The following ZNF451 variants were observed in gnomAD, a reference collection of about 807,000 sequenced individuals.
ZNF451 encodes the protein zinc finger protein 451, also known as E3 SUMO-protein ligase ZNF451.
Under a neutral mutation model 107.1 loss-of-function variants are expected in ZNF451, and 80 were observed. The ratio of observed to expected loss-of-function variants is 0.75; its 90% CI spans 0.62 to 0.90. The LOEUF (loss-of-function observed/expected upper bound fraction) is 0.90, where lower values mean the gene tolerates loss of function less well. Among genes scored for constraint, ZNF451 ranks in the 40% least tolerant of loss-of-function variants. The pLI is 0.00. For missense variants in ZNF451, 1,107 were observed against 1,236.2 expected (o/e 0.90, Z 1.57); for synonymous variants, 362 against 406.5 (o/e 0.89, Z 1.32).
At chr6:57,109,408 A>G (rs746845418) in intron 3 of ZNF451, 288 of 985,330 alleles carry the variant, frequency 2.9e-4, no homozygotes, top group Middle Eastern at 5.2e-4. Context: ...GACCCTCAGC[A>G]TTAGCAAGTC....
At position 57,099,064 on chromosome 6, in the gene ZNF451, G is replaced by C. The variant is rs1829460531; in HGVS notation, c.109G>C (p.Gly37Arg). The C allele has an allele frequency of 6.2e-7, 1 of 1,612,864 alleles. No individual in the cohort carries two copies. Among genetic ancestry groups the C allele is most frequent in the Admixed American group, 1.7e-5 (1 of 59,966 alleles). The change falls in exon 3 of 15, where the codon GGA becomes CGA. Residue 37 changes from glycine (G) to arginine (R), a missense_variant. Around this residue, in one of 5 missense-constraint regions of ZNF451, gnomAD observed 339 missense variants for 372.8 expected, o/e 0.91. Transcript: ENST00000370706. Reference sequence around the variant, plus strand: ...AAATTTGCTTGATTGTTTATAGGAAGGACCATTACGACCTGTTCTTGAATA... The same window carrying C: ...AAATTTGCTTGATTGTTTATAGGAACGACCATTACGACCTGTTCTTGAATA... ...NEDDIQFVSE[G>R]PLRPVLEYID... is the part of the protein sequence containing the mutation.
intron 14 of ZNF451, among the ~76,000 whole-genome samples, chr6:57,167,202 CACAT>C: frequency 6.6e-6 from 1 of 152,038 alleles, no homozygotes; most frequent in African/African-American, 2.4e-5. Flanking sequence ...CACACACACA[CACAT>C]ATATACATAT....
At chr6:57,124,656 T>A (rs1345393896) in intron 3 of ZNF451, 78 bp from the exon 4 acceptor site, 1 of 1,025,712 alleles carries the variant, frequency 9.7e-7, no homozygotes, top group Non-Finnish European at 1.5e-6. Flanking sequence ...TTTAGTATAG[T>A]AGCTGTTTTA....
At chr6:57,099,350 A>T (rs1360249205) in intron 3 of ZNF451, 1 of 650,968 alleles carries the variant, frequency 1.5e-6, no homozygotes, top group Admixed American at 2.7e-5. Context: ...GAAAAAAATG[A>T]TAATATGACT....
At position 57,090,271 on chromosome 6, in the gene ZNF451, G is replaced by T; in HGVS notation, c.18G>T (p.Ser6=). 1.9e-6 allele frequency: 3 copies of T among 1,611,306 alleles called. No homozygotes were observed. The highest frequency in any genetic ancestry group is 1.3e-5 in the African/African-American group (1 of 74,988). MGDPG[S]EIIESVPPAG... ...TCGGAGACATGGGAGACCCGGGGTC[G>T]GAGGTGAGTAGTCGAGTGAGGGTCC... Residue 6 remains serine (S), a synonymous_variant, in exon 1 of 15, where the codon TCG becomes TCT. Transcript: ENST00000370706.
chr6:57,090,194 G>C lies in ZNF451; in HGVS notation c.-60G>C. 1 of 1,574,430 alleles carries C rather than the reference G, an allele frequency of 6.4e-7. No individual in the cohort carries two copies. The highest frequency in any genetic ancestry group is 8.6e-7 in the Non-Finnish European group (1 of 1,159,792). On this transcript the variant is annotated 5_prime_UTR_variant, in exon 1 of 15. Coordinates refer to ENST00000370706, the MANE Select transcript of ZNF451 (RefSeq NM_001031623.3). ...GGTGCAGGGCGGGAAGGGGATTCGTGGCGACGGCGGCGGCAGGGACAGCAG... is the reference window on the plus strand; with the variant it reads ...GGTGCAGGGCGGGAAGGGGATTCGTCGCGACGGCGGCGGCAGGGACAGCAG...
chr6:57,109,398 G>A, intron 3 of ZNF451: 1 of 985,308 alleles, frequency 1.0e-6, no homozygotes, highest in Non-Finnish European at 1.2e-6. Flanking sequence ...CAAAGACCTT[G>A]ACCCTCAGCA....
chr6:57,166,312 C>T (rs2127989829), intron 14 of ZNF451, among the ~76,000 whole-genome samples: 1 of 152,318 alleles, frequency 6.6e-6, no homozygotes, highest in Non-Finnish European at 1.5e-5. Flanking sequence ...AAGACATGAG[C>T]CACTGTGCCT....
intron 5 of ZNF451, among the ~76,000 whole-genome samples, chr6:57,130,584 C>T (rs956554186): frequency 6.6e-6 from 1 of 152,140 alleles, no homozygotes; most frequent in African/African-American, 2.4e-5. Context: ...AAAATTATCT[C>T]ATGAGTCTGA....
At chr6:57,096,756 C>A (rs996334035) in intron 2 of ZNF451, among the ~76,000 whole-genome samples, 20 of 135,336 alleles carry the variant, frequency 1.5e-4, no homozygotes, top group East Asian at 1.2e-3. Flanking sequence ...ATCGAACATA[C>A]AATTTTCAGT....
intron 3 of ZNF451, among the ~76,000 whole-genome samples, chr6:57,120,303 A>C (rs1390696003): frequency 6.6e-6 from 1 of 152,176 alleles, no homozygotes; most frequent in Non-Finnish European, 1.5e-5. Flanking sequence ...AATATACCAA[A>C]GTTTATCCAT....
intron 3 of ZNF451, among the ~76,000 whole-genome samples, chr6:57,112,064 C>T (rs774603400): frequency 2.0e-5 from 3 of 152,120 alleles, no homozygotes; most frequent in Admixed American, 6.5e-5. Flanking sequence ...TGTTATGCTG[C>T]GTTTATCTCT....
intron 3 of ZNF451, among the ~76,000 whole-genome samples, chr6:57,119,519 G>A (rs1327417393): frequency 2.0e-5 from 3 of 151,902 alleles, no homozygotes; most frequent in East Asian, 1.9e-4. Flanking sequence ...GCAAGACTCC[G>A]TCTCAAAAGA....
chr6:57,105,587 G>A, intron 3 of ZNF451: 7 of 985,368 alleles, frequency 7.1e-6, no homozygotes, highest in Non-Finnish European at 8.4e-6. Context: ...AGGTTGTAGA[G>A]TATACCTCCC....
At chr6:57,091,602 G>A (rs943531975) in intron 2 of ZNF451, 6 of 152,812 alleles carry the variant, frequency 3.9e-5, no homozygotes, top group African/African-American at 1.4e-4. Flanking sequence ...TTCCAAAGCA[G>A]AAGAGAGTGT....
intron 3 of ZNF451, among the ~76,000 whole-genome samples, chr6:57,113,109 G>A (rs189226587): frequency 7.3e-4 from 111 of 152,198 alleles, no homozygotes; most frequent in Admixed American, 6.5e-3. Context: ...GGTACTAAGC[G>A]TGGTAACCGA....
In ZNF451 at chr6:57,147,211, AG is replaced by A; in HGVS notation, c.1127del (p.Ser376ThrfsTer74). 1.2e-6 allele frequency: 2 copies of A among 1,614,114 alleles called. No individual in the cohort carries two copies. The highest frequency in any genetic ancestry group is 1.3e-5 in the African/African-American group (1 of 75,058). ...CAATCAAGTCTTTGTGGATGAAACC[AG>A]CACCCAAAATCATAAGCAGAATTCA... ...DCNQVFVDET[S>X]TQNHKQNSGH... On this transcript the variant is annotated frameshift_variant, in exon 10 of 15. Transcript: ENST00000370706. LOFTEE classifies it high-confidence loss of function.
chr6:57,165,485 C>T (rs1269518369), intron 14 of ZNF451: 3 of 152,188 alleles, frequency 2.0e-5, no homozygotes, highest in African/African-American at 7.2e-5. Flanking sequence ...CAAACCAAGA[C>T]ACACACTGGA....
rs759301478 is a variant in ZNF451 at position 57,090,267 on chromosome 6, G to A, written c.14G>A (p.Gly5Glu). 1.2e-6 allele frequency: 2 copies of A among 1,611,364 alleles called. No individual in the cohort carries two copies. The highest frequency in any genetic ancestry group is 4.5e-5 in the East Asian group (2 of 44,844). MGDP[G>E]SEIIESVPPA... ...GCCGTCGGAGACATGGGAGACCCGGGGTCGGAGGTGAGTAGTCGAGTGAGG... is the reference window on the plus strand; with the variant it reads ...GCCGTCGGAGACATGGGAGACCCGGAGTCGGAGGTGAGTAGTCGAGTGAGG... The change falls in exon 1 of 15, where the codon GGG becomes GAG. Residue 5 changes from glycine (G) to glutamate (E), a missense_variant. This residue lies in a region of ZNF451 where 339 missense variants were observed against 372.8 expected (regional missense o/e 0.91). Coordinates refer to ENST00000370706, the MANE Select transcript of ZNF451 (RefSeq NM_001031623.3).
Sources: gnomAD v4.1 joint callset for allele counts (sites outside exome capture counted in the v4.1 genomes callset) on GRCh38, gnomAD v4.1.1 for gene constraint, gnomAD v4.1.1 regional missense constraint, MANE v1.5 for transcripts, NCBI Gene and HGNC (gene_info 2026-07-23, HGNC 2026-07-21) for gene names.